FOXP1: variants seen among roughly 807,000 people sequenced by gnomAD.
FOXP1 encodes the protein forkhead box protein P1.
FOXP1 carries 15 observed loss-of-function variants against 98.2 expected under a neutral mutation model. That is an observed-to-expected ratio of 0.15 (90% CI 0.10 to 0.24). The LOEUF is 0.24. Among genes scored for constraint, FOXP1 ranks in the 10% least tolerant of loss-of-function variants. FOXP1 has a pLI of 1.00. For synonymous variants in FOXP1, 371 were observed against 314.5 expected, an observed-to-expected ratio of 1.18 and a Z score of -1.90; for missense variants, 633 against 848.5, an observed-to-expected ratio of 0.75 and a Z score of 3.15.
At chr3:71,259,760 C>G (rs1425291215) in intron 5 of FOXP1, among the ~76,000 whole-genome samples, 1 of 152,222 alleles carries the variant, frequency 6.6e-6, no homozygotes, top group Non-Finnish European at 1.5e-5. Flanking sequence ...TCACTTAGAA[C>G]AGCATATTAA....
At chr3:71,558,075 C>T (rs980370837) in intron 2 of FOXP1, among the ~76,000 whole-genome samples, 3 of 152,178 alleles carry the variant, frequency 2.0e-5, no homozygotes, top group South Asian at 2.1e-4. Flanking sequence ...GGATTACAGG[C>T]GTGAGCCACC....
At chr3:71,565,050 G>C (rs1426199633) in intron 2 of FOXP1, among the ~76,000 whole-genome samples, 2 of 152,210 alleles carry the variant, frequency 1.3e-5, no homozygotes, top group African/African-American at 4.8e-5. Context: ...AGGGAGCCGA[G>C]ATCGCACCAC....
chr3:71,374,954 T>C (rs2079612502), intron 3 of FOXP1, among the ~76,000 whole-genome samples: 1 of 152,240 alleles, frequency 6.6e-6, no homozygotes, highest in South Asian at 2.1e-4. Flanking sequence ...GAAGACTACC[T>C]GGCCTTTCAC....
chr3:71,309,634 T>G (rs1042733938), intron 4 of FOXP1, among the ~76,000 whole-genome samples: 1 of 152,186 alleles, frequency 6.6e-6, no homozygotes, highest in Non-Finnish European at 1.5e-5. Flanking sequence ...CAAAACCAAA[T>G]GGCTTCACTT....
intron 4 of FOXP1, among the ~76,000 whole-genome samples, chr3:71,307,336 C>T (rs938304679): frequency 6.6e-6 from 1 of 152,106 alleles, no homozygotes; most frequent in African/African-American, 2.4e-5. Context: ...TGTTTTCTGG[C>T]CAAATCATTC....
intron 3 of FOXP1, among the ~76,000 whole-genome samples, chr3:71,402,597 G>A (rs2082025079): frequency 6.6e-6 from 1 of 152,154 alleles, no homozygotes; most frequent in Non-Finnish European, 1.5e-5. Context: ...AATCGTGCCT[G>A]AATAAATTCA....
intron 4 of FOXP1, among the ~76,000 whole-genome samples, chr3:71,355,249 C>T (rs754706756): frequency 8.5e-5 from 13 of 152,130 alleles, no homozygotes; most frequent in Non-Finnish European, 1.2e-4. Context: ...CAACAAATAC[C>T]GACTGCATGC....
chr3:71,248,403 A>G (rs1015831223), intron 5 of FOXP1, among the ~76,000 whole-genome samples: 4 of 152,196 alleles, frequency 2.6e-5, no homozygotes, highest in Admixed American at 1.3e-4. Flanking sequence ...CCACAGTCAG[A>G]AAGAACTCAA....
intron 3 of FOXP1, among the ~76,000 whole-genome samples, chr3:71,443,749 A>ATT (rs35789189): frequency 6.6e-6 from 1 of 151,938 alleles, no homozygotes; most frequent in Non-Finnish European, 1.5e-5. Flanking sequence ...TCCTTTTGTC[A>ATT]TTTTTTTCTC....
chr3:71,380,113 G>A (rs1191154163), intron 3 of FOXP1, among the ~76,000 whole-genome samples: 1 of 152,144 alleles, frequency 6.6e-6, no homozygotes, highest in Non-Finnish European at 1.5e-5. Flanking sequence ...CAAAAAGATG[G>A]GGGCGGGCAG....
chr3:71,551,879 T>C (rs1289900524), intron 2 of FOXP1, among the ~76,000 whole-genome samples: 1 of 152,204 alleles, frequency 6.6e-6, no homozygotes, highest in Non-Finnish European at 1.5e-5. Flanking sequence ...CTTAAGTTTT[T>C]CATATTATTT....
At chr3:71,302,237 T>C (rs2073906960) in intron 4 of FOXP1, among the ~76,000 whole-genome samples, 1 of 152,166 alleles carries the variant, frequency 6.6e-6, no homozygotes, top group Non-Finnish European at 1.5e-5. Context: ...CATGCTAAAG[T>C]AAATGAAATG....
At chr3:71,325,121 C>T (rs899648178) in intron 4 of FOXP1, among the ~76,000 whole-genome samples, 10 of 148,898 alleles carry the variant, frequency 6.7e-5, no homozygotes, top group African/African-American at 2.2e-4. Flanking sequence ...GGCTCCATCT[C>T]AGCTCACTGC....
intron 5 of FOXP1, among the ~76,000 whole-genome samples, chr3:71,242,425 T>C (rs1197541535): frequency 2.0e-5 from 3 of 152,186 alleles, no homozygotes; most frequent in Non-Finnish European, 4.4e-5. Context: ...ACAGCTGCAC[T>C]AGGGAAGTTT....
intron 11 of FOXP1, chr3:71,040,248 G>A (rs1267614026): frequency 6.6e-6 from 1 of 152,048 alleles, no homozygotes; most frequent in African/African-American, 2.4e-5. Flanking sequence ...AATTACATTT[G>A]TAATTGCATA....
chr3:71,569,320 C>T (rs917783030), intron 2 of FOXP1, among the ~76,000 whole-genome samples: 2 of 152,290 alleles, frequency 1.3e-5, no homozygotes, highest in Non-Finnish European at 1.5e-5. Context: ...TGCATGCAGA[C>T]GTACAGCACA....
chr3:71,201,539 C>A (rs530986539), intron 5 of FOXP1, among the ~76,000 whole-genome samples: 1 of 151,712 alleles, frequency 6.6e-6, no homozygotes, highest in African/African-American at 2.4e-5. Flanking sequence ...CCCAGCTACT[C>A]GGGAGGCTGA....
At chr3:71,137,538 T>C (rs934570899) in intron 6 of FOXP1, among the ~76,000 whole-genome samples, 3 of 152,190 alleles carry the variant, frequency 2.0e-5, no homozygotes, top group African/African-American at 7.2e-5. Context: ...GTTCTGATTG[T>C]GGAAATCAGG....
intron 6 of FOXP1, among the ~76,000 whole-genome samples, chr3:71,169,821 A>C (rs2061562513): frequency 6.6e-6 from 1 of 152,058 alleles, no homozygotes; most frequent in African/African-American, 2.4e-5. Flanking sequence ...CAGATATGTA[A>C]TTCAAATAAC....
Sources: gnomAD v4.1 joint callset for allele counts (sites outside exome capture counted in the v4.1 genomes callset) on GRCh38, gnomAD v4.1.1 for gene constraint, MANE v1.5 for transcripts, NCBI Gene and HGNC (gene_info 2026-07-23, HGNC 2026-07-21) for gene names.